SNTG1: variants seen among roughly 807,000 people sequenced by gnomAD.
The protein encoded by SNTG1 is gamma-1-syntrophin.
A neutral mutation model predicts 74.7 loss-of-function variants in SNTG1; 39 were observed. The ratio of observed to expected loss-of-function variants is 0.52; its 90% CI spans 0.40 to 0.68. The LOEUF is 0.68. SNTG1 is among the 30% of genes least tolerant of loss of function. The pLI is 0.00. For missense variants in SNTG1, 685 were observed against 609.5 expected, an observed-to-expected ratio of 1.12 and a Z score of -1.30; for synonymous variants, 254 against 217.1, an observed-to-expected ratio of 1.17 and a Z score of -1.49.
intron 1 of SNTG1, among the ~76,000 whole-genome samples, chr8:49,924,841 T>C (rs1053873799): frequency 6.6e-6 from 1 of 151,926 alleles, no homozygotes; most frequent in Non-Finnish European, 1.5e-5. Context: ...CAATCATGGT[T>C]GAATTCCCTT....
intron 1 of SNTG1, among the ~76,000 whole-genome samples, chr8:49,980,501 C>G (rs1812574532): frequency 8.1e-6 from 1 of 123,958 alleles, no homozygotes; most frequent in Non-Finnish European, 1.6e-5. Flanking sequence ...TCCTCACATC[C>G]CTTCCTGTAG....
intron 9 of SNTG1, among the ~76,000 whole-genome samples, chr8:50,511,509 G>T (rs1361915579): frequency 6.6e-6 from 1 of 152,202 alleles, no homozygotes; most frequent in African/African-American, 2.4e-5. Flanking sequence ...CATGTTGACA[G>T]CGTAGTGTTA....
At chr8:50,114,890 A>G (rs1257005276) in intron 1 of SNTG1, among the ~76,000 whole-genome samples, 1 of 151,992 alleles carries the variant, frequency 6.6e-6, no homozygotes, top group African/African-American at 2.4e-5. Flanking sequence ...TATATGAACA[A>G]GTTCTGGGGG....
At chr8:50,378,933 G>A (rs2092435049) in intron 2 of SNTG1, among the ~76,000 whole-genome samples, 1 of 152,098 alleles carries the variant, frequency 6.6e-6, no homozygotes, top group African/African-American at 2.4e-5. Context: ...TGGTCAGCAG[G>A]ACTGACAGCC....
intron 1 of SNTG1, among the ~76,000 whole-genome samples, chr8:50,016,032 G>T (rs1423335401): frequency 6.6e-6 from 1 of 152,040 alleles, no homozygotes; most frequent in Non-Finnish European, 1.5e-5. Flanking sequence ...AGTTTTCAGT[G>T]CATCACATTG....
intron 12 of SNTG1, among the ~76,000 whole-genome samples, chr8:50,553,625 C>T (rs2094439524): frequency 6.6e-6 from 1 of 152,112 alleles, no homozygotes; most frequent in Admixed American, 6.6e-5. Flanking sequence ...CATTGTCTCA[C>T]ATTAGATAGA....
Position 50,013,342 on chromosome 8 carries a change from A to G in SNTG1, c.-103+101111A>G, listed in dbSNP as rs1167262201. Among the ~76,000 whole-genome samples the G allele has an allele frequency of 2.0e-5, 3 of 152,054 alleles. No individual in the cohort carries two copies. The East Asian group carries it at 5.8e-4, about 29-fold the overall frequency. The stretch of plus-strand genomic sequence containing the variant: ...CGTCATAGACTTTTATTTGCATTTG[A>G]ATTTCTGAAATTCAATTCTCTGTGA... On this transcript the variant is annotated intron_variant, in intron 1 of 18. Coordinates refer to ENST00000642720, the MANE Select transcript of SNTG1 (RefSeq NM_018967.5).
chr8:50,539,321 CTTG>C (rs1357957062), intron 11 of SNTG1, among the ~76,000 whole-genome samples: 1 of 151,950 alleles, frequency 6.6e-6, no homozygotes, highest in Non-Finnish European at 1.5e-5. Flanking sequence ...TGTTCTTGTT[CTTG>C]TTGTTTTTAG....
chr8:49,992,783 T>C, intron 1 of SNTG1, among the ~76,000 whole-genome samples: 1 of 152,352 alleles, frequency 6.6e-6, no homozygotes, highest in East Asian at 1.9e-4. Flanking sequence ...TTATGTTTTA[T>C]GTATTGCTTT....
rs141415804 is a variant in SNTG1 at position 50,763,648 on chromosome 8, TTGTGTGTGTGTGTGTGTG to T, written c.1395+11564_1395+11581del. Among the ~76,000 whole-genome samples, 16 of 117,140 alleles carry T rather than the reference TTGTGTGTGTGTGTGTGTG, an allele frequency of 1.4e-4. No homozygotes were observed. In the South Asian group the frequency reaches 2.4e-3, roughly 18 times the overall value. 76.8% of individuals were successfully genotyped at this position (117,140 alleles called of 152,430 possible). A position where few individuals can be genotyped will look rare whatever the true frequency, so the allele number is the denominator to read the frequency against. ...CTCTTTTGGCTCAAGATTGCCTTTATTGTGTGTGTGTGTGTGTGTGTGTGTGTGTGTGTGTGTGTGTGT... is the reference window on the plus strand; with the variant it reads ...CTCTTTTGGCTCAAGATTGCCTTTATTGTGTGTGTGTGTGTGTGTGTGTGT... On this transcript the variant is annotated intron_variant, in intron 18 of 18. Coordinates refer to ENST00000642720, the MANE Select transcript of SNTG1 (RefSeq NM_018967.5).
At chr8:49,997,117 A>C (rs1814297914) in intron 1 of SNTG1, among the ~76,000 whole-genome samples, 1 of 152,012 alleles carries the variant, frequency 6.6e-6, no homozygotes, top group Admixed American at 6.6e-5. Flanking sequence ...AAACTAGGCA[A>C]CTCTGTGACT....
intron 1 of SNTG1, among the ~76,000 whole-genome samples, chr8:50,112,962 C>G (rs541125406): frequency 6.6e-6 from 1 of 152,002 alleles, no homozygotes; most frequent in Non-Finnish European, 1.5e-5. Flanking sequence ...ATCTCTGTTT[C>G]GGTACCAGTA....
chr8:50,664,742 G>A (rs1309797885), intron 15 of SNTG1, among the ~76,000 whole-genome samples: 1 of 152,134 alleles, frequency 6.6e-6, no homozygotes, highest in African/African-American at 2.4e-5. Flanking sequence ...GTTCTTCCTA[G>A]TGAGAGGAAG....
At chr8:50,003,158 G>T (rs1319319649) in intron 1 of SNTG1, among the ~76,000 whole-genome samples, 2 of 152,042 alleles carry the variant, frequency 1.3e-5, no homozygotes, top group Non-Finnish European at 2.9e-5. Context: ...AAATGTTCTG[G>T]AATTAGATTG....
chr8:50,638,122 G>A (rs570056815), intron 13 of SNTG1, among the ~76,000 whole-genome samples: 9 of 152,206 alleles, frequency 5.9e-5, no homozygotes, highest in African/African-American at 2.2e-4. Context: ...GATGGAAGAA[G>A]AAGAGACCAT....
chr8:50,750,511 T>C (rs2095564922), intron 17 of SNTG1, among the ~76,000 whole-genome samples: 1 of 151,886 alleles, frequency 6.6e-6, no homozygotes, highest in Non-Finnish European at 1.5e-5. Flanking sequence ...TACAGAAAAA[T>C]CTTTCATGAA....
Position 50,417,377 on chromosome 8 carries a change from G to A in SNTG1, c.162+15033G>A, listed in dbSNP as rs1442862084. On this transcript the variant is annotated intron_variant, in intron 4 of 18. Transcript: ENST00000642720. Reference sequence around the variant, plus strand: ...CTTCTATTTCAGAGTCTATCAAAAGGCACCTATGTGATCCTCACACTTTAC... The same window carrying A: ...CTTCTATTTCAGAGTCTATCAAAAGACACCTATGTGATCCTCACACTTTAC... 2.6e-5 allele frequency among the ~76,000 whole-genome samples: 4 copies of A among 152,012 alleles called. No homozygotes were observed. The East Asian group carries it at 5.8e-4, about 22-fold the overall frequency.
At chr8:50,058,154 G>C (rs1479765770) in intron 1 of SNTG1, among the ~76,000 whole-genome samples, 1 of 152,086 alleles carries the variant, frequency 6.6e-6, no homozygotes, top group Non-Finnish European at 1.5e-5. Flanking sequence ...ATCAACTGCA[G>C]ACTCTGAGAG....
At chr8:50,056,416 T>C (rs1182269534) in intron 1 of SNTG1, among the ~76,000 whole-genome samples, 1 of 152,110 alleles carries the variant, frequency 6.6e-6, no homozygotes, top group African/African-American at 2.4e-5. Context: ...AAACATTTCT[T>C]TTATTTTTTA....
Sources: gnomAD v4.1 joint callset for allele counts (sites outside exome capture counted in the v4.1 genomes callset) on GRCh38, gnomAD v4.1.1 for gene constraint, MANE v1.5 for transcripts, NCBI Gene and HGNC (gene_info 2026-07-23, HGNC 2026-07-21) for gene names.